RSPO4: variants seen among roughly 807,000 people sequenced by gnomAD.
RSPO4 encodes the protein R-spondin-4.
RSPO4 carries 23 observed loss-of-function variants against 24.8 expected under a neutral mutation model. The ratio of observed to expected loss-of-function variants is 0.93; its 90% CI spans 0.67 to 1.31. The LOEUF is 1.31. Ranked by LOEUF, RSPO4 falls within the 40% of genes most tolerant of loss-of-function variation. RSPO4 has a pLI of 0.00. For missense variants in RSPO4, 333 were observed against 316.5 expected (o/e 1.05, Z -0.39); for synonymous variants, 141 against 127.4 (o/e 1.11, Z -0.72).
At chr20:984,543 G>C (rs935915617) in intron 1 of RSPO4, among the ~76,000 whole-genome samples, 7 of 152,282 alleles carry the variant, frequency 4.6e-5, no homozygotes, top group Admixed American at 1.3e-4. Flanking sequence ...GAGCTTCCAA[G>C]GGGTGGCAGA....
At chr20:985,621 G>T (rs972877210) in intron 1 of RSPO4, among the ~76,000 whole-genome samples, 2 of 152,218 alleles carry the variant, frequency 1.3e-5, no homozygotes, top group East Asian at 3.8e-4. Flanking sequence ...AAAGAGAGCT[G>T]CCTCCGAGTC....
In RSPO4 at chr20:960,162, G is replaced by A; in HGVS notation, c.*195C>T. On this transcript the variant is annotated 3_prime_UTR_variant, in exon 5 of 5. Transcript: ENST00000217260. ...GAGGGAGAAAGGAGAGGAGAATGGA[G>A]GTGGAAGAAATAAAGGAAATAAAAA... 1.7e-6 allele frequency: 1 copy of A among 592,896 alleles called. No individual in the cohort carries two copies. Among genetic ancestry groups the A allele is most frequent in the Non-Finnish European group, 3.0e-6 (1 of 332,566 alleles). The allele number at this position is 592,896 out of a possible 1,614,324, so 36.7% of individuals were successfully genotyped here.
intron 1 of RSPO4, among the ~76,000 whole-genome samples, chr20:989,249 C>T (rs977728879): frequency 6.6e-6 from 1 of 152,176 alleles, no homozygotes; most frequent in Admixed American, 6.5e-5. Context: ...GGAGGCAGCA[C>T]CAGGCAGCAG....
intron 1 of RSPO4, among the ~76,000 whole-genome samples, chr20:980,570 C>CTG (rs989328137): frequency 2.0e-5 from 3 of 152,212 alleles, no homozygotes; most frequent in Non-Finnish European, 4.4e-5. Flanking sequence ...TGCCTCGCAG[C>CTG]TGGGACTTGG....
intron 3 of RSPO4, among the ~76,000 whole-genome samples, chr20:966,334 G>A (rs1984194927): frequency 6.6e-6 from 1 of 152,238 alleles, no homozygotes; most frequent in South Asian, 2.1e-4. Context: ...CACTGATACT[G>A]ACACGTACTG....
At chr20:997,378 T>C (rs1985329097) in intron 1 of RSPO4, among the ~76,000 whole-genome samples, 2 of 152,348 alleles carry the variant, frequency 1.3e-5, no homozygotes, top group South Asian at 2.1e-4. Context: ...GGAAGAAGGA[T>C]GGCAAATGGA....
At chr20:992,564 T>C (rs535401930) in intron 1 of RSPO4, among the ~76,000 whole-genome samples, 2 of 152,230 alleles carry the variant, frequency 1.3e-5, no homozygotes, top group Admixed American at 6.5e-5. Context: ...GTTATCACCA[T>C]TAAAGAAACA....
At position 959,130 on chromosome 20, in the gene RSPO4, TGTGGTGGTGGGTGTGGGC is replaced by T. The variant is rs1983897268; in HGVS notation, c.*1209_*1226del. The T allele has an allele frequency of 8.8e-6, 1 of 113,490 alleles. No individual in the cohort carries two copies. Among genetic ancestry groups the T allele is most frequent in the South Asian group, 2.7e-4 (1 of 3,672 alleles). The allele number at this position is 113,490 out of a possible 1,614,324, so 7.0% of individuals were successfully genotyped here. A position where few individuals can be genotyped will look rare whatever the true frequency, so the allele number is the denominator to read the frequency against. ...GAGTGTGGTGGTGGGTGTGGGGCAG[TGTGGTGGTGGGTGTGGGC>T]GAGTGCGGTGATGGGTGTGGGCAAG... On this transcript the variant is annotated 3_prime_UTR_variant, in exon 5 of 5. Transcript: ENST00000217260.
chr20:967,990 C>T lies in RSPO4; in HGVS notation c.228G>A (p.Gly76=). Residue 76 remains glycine, a synonymous_variant, in exon 2 of 5, where the codon GGG becomes GGA. Coordinates refer to ENST00000217260, the MANE Select transcript of RSPO4 (RefSeq NM_001029871.4). ...CCTCCTGGCCGCGGATGCCGAAGTACCCAGGGGGACAGTCGTGCAGGCACT... is the reference window on the plus strand; with the variant it reads ...CCTCCTGGCCGCGGATGCCGAAGTATCCAGGGGGACAGTCGTGCAGGCACT... ...YGKCLHDCPP[G]YFGIRGQEVN... 6.2e-7 allele frequency: 1 copy of T among 1,614,234 alleles called. No homozygotes were observed. The highest frequency in any genetic ancestry group is 8.5e-7 in the Non-Finnish European group (1 of 1,180,048).
Position 981,968 on chromosome 20 carries a change from C to T in RSPO4, c.80-13830G>A, listed in dbSNP as rs1369588548. ...CCTGGACCACATCTATTCTGCCCTC[C>T]ATTAGCTACTCATTAAGAGAAGTTA... On this transcript the variant is annotated intron_variant, in intron 1 of 4. Transcript: ENST00000217260. The surrounding 1 kb of genome is among the most constrained non-coding windows in gnomAD (Gnocchi z 4.6). Among the ~76,000 whole-genome samples the T allele has an allele frequency of 6.6e-6, 1 of 152,206 alleles. No homozygotes were observed. The highest frequency in any genetic ancestry group is 2.4e-5 in the African/African-American group (1 of 41,442).
intron 1 of RSPO4, among the ~76,000 whole-genome samples, chr20:995,486 G>A (rs1453237260): frequency 2.0e-5 from 3 of 152,186 alleles, no homozygotes; most frequent in Non-Finnish European, 4.4e-5. Context: ...CGCCCTGGCC[G>A]AGCAGAGGTG....
chr20:993,572 G>A (rs1173366480), intron 1 of RSPO4, among the ~76,000 whole-genome samples: 2 of 152,172 alleles, frequency 1.3e-5, no homozygotes, highest in African/African-American at 4.8e-5. Flanking sequence ...GTAGAAGAGG[G>A]AGAATAATAG....
At chr20:976,786 G>C (rs923431914) in intron 1 of RSPO4, among the ~76,000 whole-genome samples, 18 of 152,100 alleles carry the variant, frequency 1.2e-4, no homozygotes, top group African/African-American at 4.3e-4. Context: ...AAGCCAGAAA[G>C]CCTAGCCCCA....
Position 960,349 on chromosome 20 carries a change from G to A in RSPO4, c.*8C>T. Reference sequence around the variant, plus strand: ...GGACTAGGACCAGAGAGTCGGGAGAGCCGGCGGTCAGGGCTGCAGGCCGGG... The same window carrying A: ...GGACTAGGACCAGAGAGTCGGGAGAACCGGCGGTCAGGGCTGCAGGCCGGG... On this transcript the variant is annotated 3_prime_UTR_variant, in exon 5 of 5. Coordinates refer to ENST00000217260, the MANE Select transcript of RSPO4 (RefSeq NM_001029871.4). 6.5e-7 allele frequency: 1 copy of A among 1,530,960 alleles called. No homozygotes were observed. The highest frequency in any genetic ancestry group is 8.8e-7 in the Non-Finnish European group (1 of 1,141,960). 94.8% of individuals were successfully genotyped at this position (1,530,960 alleles called of 1,614,324 possible).
intron 4 of RSPO4, among the ~76,000 whole-genome samples, chr20:960,969 T>C (rs1022397408): frequency 3.3e-5 from 5 of 152,242 alleles, no homozygotes; most frequent in African/African-American, 1.2e-4. Flanking sequence ...GCTTTATGTA[T>C]ACGAAACTCA....
chr20:982,910 G>A (rs947346987), intron 1 of RSPO4, among the ~76,000 whole-genome samples: 3 of 152,180 alleles, frequency 2.0e-5, no homozygotes, highest in South Asian at 2.1e-4. Context: ...TGAGTAGGAC[G>A]TCTGCAGTGG....
chr20:966,451 CT>C (rs368238797), intron 3 of RSPO4, among the ~76,000 whole-genome samples: 325 of 147,990 alleles, frequency 2.2e-3, no homozygotes, highest in Non-Finnish European at 2.5e-3. Flanking sequence ...GTTCTATTGT[CT>C]TTTTTTTTTT....
In RSPO4 at chr20:970,031, T is replaced by C. The variant is rs1172757359; in HGVS notation, c.80-1893A>G. 1.3e-5 allele frequency among the ~76,000 whole-genome samples: 2 copies of C among 152,140 alleles called. No homozygotes were observed. Among genetic ancestry groups the C allele is most frequent in the East Asian group, 1.9e-4 (1 of 5,176 alleles). Reference sequence around the variant, plus strand: ...AGGAATTCCCCATTGTGCAAGGTCCTGATGAAACACATCCTGGCACCTTCC... The same window carrying C: ...AGGAATTCCCCATTGTGCAAGGTCCCGATGAAACACATCCTGGCACCTTCC... On this transcript the variant is annotated intron_variant, in intron 1 of 4. Coordinates refer to ENST00000217260, the MANE Select transcript of RSPO4 (RefSeq NM_001029871.4). The surrounding 1 kb of genome is among the most constrained non-coding windows in gnomAD (Gnocchi z 4.1).
intron 1 of RSPO4, among the ~76,000 whole-genome samples, chr20:991,842 G>T (rs867695261): frequency 2.0e-5 from 3 of 152,032 alleles, no homozygotes; most frequent in Non-Finnish European, 4.4e-5. Context: ...GAATTTTTAC[G>T]AGTAAAATAA....
Sources: gnomAD v4.1 joint callset for allele counts (sites outside exome capture counted in the v4.1 genomes callset) on GRCh38, gnomAD v4.1.1 for gene constraint, Gnocchi (gnomAD v3.1) non-coding constraint, MANE v1.5 for transcripts, NCBI Gene and HGNC (gene_info 2026-07-23, HGNC 2026-07-21) for gene names.